TMEM40: variants seen among roughly 807,000 people sequenced by gnomAD.
TMEM40 encodes transmembrane protein 40.
Under a neutral mutation model 40.8 loss-of-function variants are expected in TMEM40, and 34 were observed. The ratio of observed to expected loss-of-function variants is 0.83; its 90% CI spans 0.63 to 1.11. TMEM40 has a LOEUF of 1.11. TMEM40 is among the 50% of genes least tolerant of loss of function. TMEM40 has a pLI of 0.00. For synonymous variants in TMEM40, 106 were observed against 107.0 expected (o/e 0.99, Z 0.06); for missense variants, 296 against 280.2 (o/e 1.06, Z -0.40).
chr3:12,760,898 C>T (rs373668953), upstream of TMEM40, among the ~76,000 whole-genome samples: 196 of 152,276 alleles, frequency 1.3e-3, 5 homozygotes, highest in Admixed American at 0.01. Flanking sequence ...TGCACCCCCA[C>T]GCCTGGCTGA....
At position 12,733,822 on chromosome 3, in the gene TMEM40, G is replaced by A. The variant is rs2061317691; in HGVS notation, c.*952C>T. ...AAAAGGGTATGTGAGGGATACATAT[G>A]TTAATTAGCTTGATTTAGCCATTCC... is the stretch of plus-strand genomic sequence containing the variant. On this transcript the variant is annotated 3_prime_UTR_variant, in exon 12 of 12. Coordinates refer to ENST00000314124, the MANE Select transcript of TMEM40 (RefSeq NM_018306.4). 1 of 151,664 alleles carries A rather than the reference G, an allele frequency of 6.6e-6. No individual in the cohort carries two copies. Among genetic ancestry groups the A allele is most frequent in the African/African-American group, 2.4e-5 (1 of 41,266 alleles). The allele number at this position is 151,664 out of a possible 1,614,324, so 9.4% of individuals were successfully genotyped here.
chr3:12,768,252 G>A (rs1298448978), intron 1 of TMEM40, among the ~76,000 whole-genome samples: 1 of 152,126 alleles, frequency 6.6e-6, no homozygotes, highest in Admixed American at 6.6e-5. Context: ...GACCTTCGTG[G>A]TGAGTGTTAC....
intron 11 of TMEM40, among the ~76,000 whole-genome samples, chr3:12,735,250 A>G (rs886374843): frequency 6.6e-6 from 1 of 152,226 alleles, no homozygotes; most frequent in Non-Finnish European, 1.5e-5. Flanking sequence ...AAAGTTCTAT[A>G]AGAGAATGAA....
At chr3:12,758,497 G>T (rs1011945276) in intron 1 of TMEM40, among the ~76,000 whole-genome samples, 1 of 152,148 alleles carries the variant, frequency 6.6e-6, no homozygotes, top group Non-Finnish European at 1.5e-5. Context: ...GGGGGTGGGT[G>T]GGGGGAGCTC....
intron 8 of TMEM40, chr3:12,737,482 A>G (rs972446563): frequency 1.3e-5 from 8 of 593,898 alleles, no homozygotes; most frequent in African/African-American, 5.6e-5. Context: ...TCCACTCACA[A>G]GCTGTAAGGC....
At chr3:12,766,932 C>T (rs1321987328) in intron 1 of TMEM40, among the ~76,000 whole-genome samples, 1 of 152,218 alleles carries the variant, frequency 6.6e-6, no homozygotes, top group South Asian at 2.1e-4. Flanking sequence ...TTTCCCTACC[C>T]TCTCATCCTG....
intron 3 of TMEM40, among the ~76,000 whole-genome samples, chr3:12,747,979 G>T (rs1292648040): frequency 6.7e-6 from 1 of 149,696 alleles, no homozygotes; most frequent in African/African-American, 2.5e-5. Flanking sequence ...TAAAGTACTT[G>T]CAAGGACTCA....
Position 12,734,772 on chromosome 3 carries a change from C to T in TMEM40, c.*2G>A. 6.3e-7 allele frequency: 1 copy of T among 1,597,726 alleles called. No individual in the cohort carries two copies. The highest frequency in any genetic ancestry group is 8.5e-7 in the Non-Finnish European group (1 of 1,172,746). On this transcript the variant is annotated 3_prime_UTR_variant, in exon 12 of 12. Coordinates refer to ENST00000314124, the MANE Select transcript of TMEM40 (RefSeq NM_018306.4). ...GCCTCTGCTGCCCACCTGGAAGTGG[C>T]CTCAGTCAGTCTTCCTGAACCCTGG...
chr3:12,756,810 T>A (rs73812899), intron 1 of TMEM40, among the ~76,000 whole-genome samples: 6,792 of 151,332 alleles, frequency 0.045, 510 homozygotes, highest in African/African-American at 0.15. Flanking sequence ...TCTCTCTCTC[T>A]CACACACACA....
At chr3:12,768,334 C>A (rs1013624063) in intron 1 of TMEM40, among the ~76,000 whole-genome samples, 1 of 152,062 alleles carries the variant, frequency 6.6e-6, no homozygotes, top group African/African-American at 2.4e-5. Flanking sequence ...GTGACCCCAG[C>A]GGGTTACCAC....
rs534589540 is a variant in TMEM40 at position 12,752,150 on chromosome 3, G to A, written c.-8-2310C>T. On this transcript the variant is annotated intron_variant, in intron 1 of 11. Coordinates refer to ENST00000314124, the MANE Select transcript of TMEM40 (RefSeq NM_018306.4). ...ATCACCCAGGCTAAAGTGCAGTGGT[G>A]CAATCACAGCTCACTGCAGCCTTGA... Among the ~76,000 whole-genome samples the A allele has an allele frequency of 4.6e-5, 7 of 152,190 alleles. No homozygotes were observed. In the South Asian group the frequency reaches 1.0e-3, roughly 23 times the overall value.
chr3:12,749,643 G>T (rs2061457554), intron 2 of TMEM40, 117 bp downstream of exon 2: 3 of 822,714 alleles, frequency 3.6e-6, no homozygotes, highest in East Asian at 4.9e-5. Flanking sequence ...CCCCATTTCA[G>T]CTGTGATTTG....
At chr3:12,747,277 C>A (rs2061436552) in intron 3 of TMEM40, among the ~76,000 whole-genome samples, 2 of 151,670 alleles carry the variant, frequency 1.3e-5, no homozygotes, top group African/African-American at 2.4e-5. Flanking sequence ...AGTGCAGGAG[C>A]TCTGGTTGAG....
chr3:12,752,505 T>A (rs1411060480), intron 1 of TMEM40, among the ~76,000 whole-genome samples: 1 of 152,144 alleles, frequency 6.6e-6, no homozygotes, highest in Admixed American at 6.5e-5. Flanking sequence ...GATAAGAAAC[T>A]TGCCCAGGAC....
intron 1 of TMEM40, among the ~76,000 whole-genome samples, chr3:12,757,967 T>C (rs1383102288): frequency 6.6e-6 from 1 of 151,804 alleles, no homozygotes; most frequent in Non-Finnish European, 1.5e-5. Context: ...CCTCCCAAAG[T>C]AATGGGATTA....
chr3:12,738,209 G>C, intron 6 of TMEM40, 41 bp from the exon 7 acceptor site: 1 of 1,611,888 alleles, frequency 6.2e-7, no homozygotes, highest in Non-Finnish European at 8.5e-7. Context: ...AACCCCGCTT[G>C]GGGTCCTTAA....
At chr3:12,735,731 A>C in intron 10 of TMEM40, 114 bp from the exon 11 acceptor site, 1 of 821,156 alleles carries the variant, frequency 1.2e-6, no homozygotes, top group Non-Finnish European at 2.0e-6. Context: ...GTGGAACTTC[A>C]GGCAGCAGGT....
In TMEM40 at chr3:12,733,773, G is replaced by A. The variant is rs1272434166; in HGVS notation, c.*1001C>T. 3 of 151,714 alleles carry A rather than the reference G, an allele frequency of 2.0e-5. No homozygotes were observed. Among genetic ancestry groups the A allele is most frequent in the Non-Finnish European group, 2.9e-5 (2 of 67,976 alleles). The allele number at this position is 151,714 out of a possible 1,614,324, so 9.4% of individuals were successfully genotyped here. The stretch of plus-strand genomic sequence containing the variant: ...TATACTTTGCAAATTGCTGACAGTA[G>A]GTTTTTACTGTTCTCATCATAAAAA... On this transcript the variant is annotated 3_prime_UTR_variant, in exon 12 of 12. Coordinates refer to ENST00000314124, the MANE Select transcript of TMEM40 (RefSeq NM_018306.4).
At position 12,742,475 on chromosome 3, in the gene TMEM40, C is replaced by T. The variant is rs2061391344; in HGVS notation, c.334G>A (p.Asp112Asn). ...TTACCTCCATAGAGTTGAAGCTCAT[C>T]CTTCAAAACGTCAGGCTCCCCATGC... ...PGHGEPDVLK[D>N]ELQLYGDAPG... Residue 112 changes from aspartate (D) to asparagine (N), a missense_variant, in exon 5 of 12, where the codon GAT (aspartate) becomes AAT (asparagine). Physicochemically the swap from Asp to Asn is conservative, Grantham distance 23. Coordinates refer to ENST00000314124, the MANE Select transcript of TMEM40 (RefSeq NM_018306.4). 6.2e-7 allele frequency: 1 copy of T among 1,613,870 alleles called. No homozygotes were observed. The highest frequency in any genetic ancestry group is 1.7e-5 in the Admixed American group (1 of 59,978).
Sources: gnomAD v4.1 joint callset for allele counts (sites outside exome capture counted in the v4.1 genomes callset) on GRCh38, gnomAD v4.1.1 for gene constraint, MANE v1.5 for transcripts, NCBI Gene and HGNC (gene_info 2026-07-23, HGNC 2026-07-21) for gene names.